The following LRMDA variants were observed in gnomAD, a reference collection of about 807,000 sequenced individuals.
LRMDA encodes leucine-rich melanocyte differentiation-associated protein.
LRMDA carries 18 observed loss-of-function variants against 29.8 expected under a neutral mutation model. The ratio of observed to expected loss-of-function variants is 0.60; its 90% CI spans 0.42 to 0.90. LRMDA has a LOEUF of 0.90. Ranked by LOEUF, LRMDA falls within the 40% of genes least tolerant of loss-of-function variation. LRMDA has a pLI of 0.00. For synonymous variants in LRMDA, 125 were observed against 109.4 expected, an observed-to-expected ratio of 1.14 and a Z score of -0.89; for missense variants, 273 against 273.9, an observed-to-expected ratio of 1.00 and a Z score of 0.02.
At chr10:75,815,647 A>G (rs555001857) in intron 2 of LRMDA, among the ~76,000 whole-genome samples, 12 of 152,338 alleles carry the variant, frequency 7.9e-5, no homozygotes, top group African/African-American at 2.6e-4. Flanking sequence ...GTCAGTGAAT[A>G]ACTACAGTCA....
chr10:75,779,664 T>C (rs1286951696), intron 2 of LRMDA, among the ~76,000 whole-genome samples: 1 of 152,182 alleles, frequency 6.6e-6, no homozygotes, highest in Non-Finnish European at 1.5e-5. Flanking sequence ...CGTTTCTTGC[T>C]CACCTTATAG....
In LRMDA at chr10:75,624,059, C is replaced by T. The variant is rs117524010; in HGVS notation, c.131+185565C>T. 3.6e-3 allele frequency among the ~76,000 whole-genome samples: 545 copies of T among 152,234 alleles called. 12 individuals carry two copies. Among genetic ancestry groups the T allele is most frequent in the Middle Eastern group, 6.8e-3 (2 of 294 alleles). Reference sequence around the variant, plus strand: ...AATAACTTTATAGAAGAAACAATTACGGAATCATACAGATGTGAATAATTC... The same window carrying T: ...AATAACTTTATAGAAGAAACAATTATGGAATCATACAGATGTGAATAATTC... On this transcript the variant is annotated intron_variant, in intron 2 of 6. Coordinates refer to ENST00000611255, the MANE Select transcript of LRMDA (RefSeq NM_001305581.2).
intron 1 of LRMDA, among the ~76,000 whole-genome samples, chr10:75,435,350 G>A (rs1844252468): frequency 6.6e-6 from 1 of 152,212 alleles, no homozygotes; most frequent in South Asian, 2.1e-4. Flanking sequence ...ATCCTGAGAG[G>A]TAATGTCTTC....
At chr10:76,346,723 T>C (rs1173104167) in intron 6 of LRMDA, among the ~76,000 whole-genome samples, 1 of 152,178 alleles carries the variant, frequency 6.6e-6, no homozygotes, top group Admixed American at 6.5e-5. Flanking sequence ...AAGTTGGATA[T>C]TATCCCCATT....
intron 2 of LRMDA, among the ~76,000 whole-genome samples, chr10:75,520,123 A>G (rs960810037): frequency 2.6e-5 from 4 of 152,084 alleles, no homozygotes; most frequent in East Asian, 3.9e-4. Context: ...TTTTTCCTTC[A>G]TTTCAACCTT....
chr10:75,942,231 A>G (rs1846404057), intron 2 of LRMDA, among the ~76,000 whole-genome samples: 1 of 152,020 alleles, frequency 6.6e-6, no homozygotes, highest in South Asian at 2.1e-4. Flanking sequence ...TTGCATTTTT[A>G]TGACCCAGCT....
intron 2 of LRMDA, among the ~76,000 whole-genome samples, chr10:75,490,667 T>C (rs1844975530): frequency 6.6e-6 from 1 of 152,192 alleles, no homozygotes; most frequent in African/African-American, 2.4e-5. Flanking sequence ...AGGCCTCTAG[T>C]TGATTAGTTC....
intron 2 of LRMDA, among the ~76,000 whole-genome samples, chr10:75,962,015 A>C (rs1846776919): frequency 6.6e-6 from 1 of 152,026 alleles, no homozygotes; most frequent in African/African-American, 2.4e-5. Flanking sequence ...TCTGTATCCA[A>C]ATCTCCCCTT....
intron 6 of LRMDA, among the ~76,000 whole-genome samples, chr10:76,352,419 C>T (rs988684287): frequency 1.3e-5 from 2 of 152,096 alleles, no homozygotes; most frequent in African/African-American, 4.8e-5. Context: ...CACTGCCATA[C>T]CACAACAGCC....
At chr10:75,507,300 C>T (rs1245775394) in intron 2 of LRMDA, among the ~76,000 whole-genome samples, 5 of 152,136 alleles carry the variant, frequency 3.3e-5, no homozygotes, top group Non-Finnish European at 7.4e-5. Flanking sequence ...TGGAGTGTCA[C>T]AGGGGTACCC....
intron 2 of LRMDA, among the ~76,000 whole-genome samples, chr10:75,677,380 G>T (rs1256578423): frequency 2.2e-5 from 2 of 91,504 alleles, no homozygotes; most frequent in African/African-American, 5.1e-5. Flanking sequence ...AAATGTAGCT[G>T]CAGATATCCC....
chr10:76,245,621 A>T (rs1357373470), intron 5 of LRMDA, among the ~76,000 whole-genome samples: 1 of 152,218 alleles, frequency 6.6e-6, no homozygotes, highest in Non-Finnish European at 1.5e-5. Flanking sequence ...CATTTTATAC[A>T]TTATAAACCT....
At chr10:75,692,325 GTA>G (rs1299116219) in intron 2 of LRMDA, among the ~76,000 whole-genome samples, 2 of 137,142 alleles carry the variant, frequency 1.5e-5, no homozygotes, top group Admixed American at 7.5e-5. Context: ...ATATACATAT[GTA>G]TATATATGTA....
At chr10:75,618,388 A>ATG (rs1841135317) in intron 2 of LRMDA, among the ~76,000 whole-genome samples, 1 of 120,392 alleles carries the variant, frequency 8.3e-6, no homozygotes, top group African/African-American at 3.3e-5. Context: ...CTCTCTATAT[A>ATG]TATATATATA....
chr10:75,661,625 G>A (rs1841754606), intron 2 of LRMDA, among the ~76,000 whole-genome samples: 1 of 152,008 alleles, frequency 6.6e-6, no homozygotes, highest in African/African-American at 2.4e-5. Flanking sequence ...TTTTTCTTTG[G>A]CTAGATGAGC....
chr10:76,457,462 A>T (rs750010096), intron 6 of LRMDA, among the ~76,000 whole-genome samples: 3 of 152,108 alleles, frequency 2.0e-5, no homozygotes, highest in Non-Finnish European at 4.4e-5. Flanking sequence ...GACTGTATGC[A>T]AATGTCTTTC....
At chr10:76,083,789 G>A (rs1008884663) in intron 5 of LRMDA, among the ~76,000 whole-genome samples, 3 of 149,184 alleles carry the variant, frequency 2.0e-5, no homozygotes, top group East Asian at 2.0e-4. Flanking sequence ...AGCTGAGATC[G>A]CGCCATTGCA....
chr10:76,348,367 T>C (rs1463180541), intron 6 of LRMDA, among the ~76,000 whole-genome samples: 1 of 152,142 alleles, frequency 6.6e-6, no homozygotes, highest in African/African-American at 2.4e-5. Flanking sequence ...TTATTAGAAA[T>C]GTGCTTCTCA....
chr10:75,491,982 T>G (rs1039046269), intron 2 of LRMDA, among the ~76,000 whole-genome samples: 1 of 152,204 alleles, frequency 6.6e-6, no homozygotes, highest in African/African-American at 2.4e-5. Context: ...TGGAAAGGGC[T>G]ATGGTCAAGT....
Sources: allele counts gnomAD v4.1 joint callset (sites outside exome capture counted in the v4.1 genomes callset), GRCh38; gene constraint gnomAD v4.1.1; transcripts MANE v1.5; gene names NCBI Gene and HGNC (gene_info 2026-07-23, HGNC 2026-07-21).